Variants in TTC9 observed in about 807,000 individuals in gnomAD.
The protein encoded by TTC9 is tetratricopeptide repeat domain 9, also known as tetratricopeptide repeat protein 9A.
In TTC9, 13 loss-of-function variants were observed where a neutral mutation model predicts 22.9. The observed-to-expected ratio is 0.57, with a 90% CI of 0.37 to 0.90. TTC9 has a LOEUF of 0.90. TTC9 is among the 40% of genes least tolerant of loss of function. The pLI is 0.01. For synonymous variants in TTC9, 148 were observed against 133.2 expected (o/e 1.11, Z -0.77); for missense variants, 280 against 291.8 (o/e 0.96, Z 0.29).
At position 70,671,175 on chromosome 14, in the gene TTC9, C is replaced by G; in HGVS notation, c.*20C>G. The G allele has an allele frequency of 6.2e-7, 1 of 1,610,688 alleles. No homozygotes were observed. The highest frequency in any genetic ancestry group is 8.5e-7 in the Non-Finnish European group (1 of 1,177,694). ...ATGTAACCAGGAAGCAGCTCCAGAG[C>G]TGCGCCCACGCCTGACCGGGGACTT... is the stretch of plus-strand genomic sequence containing the variant. On this transcript the variant is annotated 3_prime_UTR_variant, in exon 3 of 3. Transcript: ENST00000256367.
In TTC9 at chr14:70,650,977, CT is replaced by C. The variant is rs869176720; in HGVS notation, c.406+8454del. On this transcript the variant is annotated intron_variant, in intron 1 of 2. Transcript: ENST00000256367. ...AAGGAATAGGGCAGAGAGATTTTAA[CT>C]TTTTTTTTTTTCTTTTTTTGAGACA... is the stretch of plus-strand genomic sequence containing the variant. Among the ~76,000 whole-genome samples, 602 of 147,002 alleles carry C rather than the reference CT, an allele frequency of 4.1e-3. 1 individual carries two copies. Among genetic ancestry groups the C allele is most frequent in the Non-Finnish European group, 5.5e-3 (362 of 66,220 alleles).
At chr14:70,664,407 C>G (rs556468016) in intron 1 of TTC9, among the ~76,000 whole-genome samples, 43 of 152,148 alleles carry the variant, frequency 2.8e-4, no homozygotes, top group African/African-American at 1.0e-3. Context: ...GGCTGTCACC[C>G]CCTCCACCCC....
chr14:70,673,048 T>C lies in TTC9; in HGVS notation c.*1893T>C, dbSNP rs1886318835. ...GGCCCCAAAAGACCAGAGGCCAGAATCCCTAGTAGTCAGAGCAGTGACAGG... is the reference window on the plus strand; with the variant it reads ...GGCCCCAAAAGACCAGAGGCCAGAACCCCTAGTAGTCAGAGCAGTGACAGG... On this transcript the variant is annotated 3_prime_UTR_variant, in exon 3 of 3. Coordinates refer to ENST00000256367, the MANE Select transcript of TTC9 (RefSeq NM_015351.2). 1 of 152,226 alleles carries C rather than the reference T, an allele frequency of 6.6e-6. No individual in the cohort carries two copies. Among genetic ancestry groups the C allele is most frequent in the African/African-American group, 2.4e-5 (1 of 41,428 alleles). 9.4% of individuals were successfully genotyped at this position (152,226 alleles called of 1,614,324 possible). A position where few individuals can be genotyped will look rare whatever the true frequency, so the allele number is the denominator to read the frequency against.
At chr14:70,658,887 G>C (rs977901131) in intron 1 of TTC9, among the ~76,000 whole-genome samples, 7 of 152,160 alleles carry the variant, frequency 4.6e-5, no homozygotes, top group African/African-American at 1.7e-4. Context: ...AAAAAAGGAT[G>C]AACTATTGGT....
chr14:70,642,767 A>G (rs1885842585), intron 1 of TTC9, among the ~76,000 whole-genome samples: 1 of 152,196 alleles, frequency 6.6e-6, no homozygotes, highest in Admixed American at 6.5e-5. Context: ...TCACCTAGAA[A>G]TGACTGGAAG....
chr14:70,669,596 T>A (rs1029073549), intron 2 of TTC9, among the ~76,000 whole-genome samples: 4 of 151,620 alleles, frequency 2.6e-5, no homozygotes, highest in South Asian at 4.2e-4. Flanking sequence ...TTTTTTTTTT[T>A]AAACTCAATC....
At chr14:70,655,663 T>C (rs1339844066) in intron 1 of TTC9, among the ~76,000 whole-genome samples, 2 of 152,188 alleles carry the variant, frequency 1.3e-5, no homozygotes, top group Non-Finnish European at 2.9e-5. Flanking sequence ...TCCCACAGGA[T>C]GCTGCTCACT....
Position 70,675,263 on chromosome 14 carries a change from T to C in TTC9, c.*4108T>C, listed in dbSNP as rs1305731820. 4 of 152,264 alleles carry C rather than the reference T, an allele frequency of 2.6e-5. No individual in the cohort carries two copies. Among genetic ancestry groups the C allele is most frequent in the East Asian group, 3.8e-4 (2 of 5,206 alleles). 9.4% of individuals were successfully genotyped at this position (152,264 alleles called of 1,614,324 possible). ...CAATTTGTAATTTTATTAAGAATAT[T>C]ATTTTTGTCAAGAAATGCTGCAAAT... On this transcript the variant is annotated 3_prime_UTR_variant, in exon 3 of 3. Coordinates refer to ENST00000256367, the MANE Select transcript of TTC9 (RefSeq NM_015351.2).
In TTC9 at chr14:70,642,081, C is replaced by A; in HGVS notation, c.-49C>A. ...ACCCGGGAAGGCGCGGCGGCGGCGG[C>A]GGCGGCGGGCAGATCGCGGCGCGCA... On this transcript the variant is annotated 5_prime_UTR_variant, in exon 1 of 3. Coordinates refer to ENST00000256367, the MANE Select transcript of TTC9 (RefSeq NM_015351.2). 9.7e-7 allele frequency: 1 copy of A among 1,031,136 alleles called. No homozygotes were observed. The highest frequency in any genetic ancestry group is 1.2e-6 in the Non-Finnish European group (1 of 861,262). The allele number at this position is 1,031,136 out of a possible 1,614,324, so 63.9% of individuals were successfully genotyped here.
chr14:70,659,161 C>CACACACACACAT (rs1886110956), intron 1 of TTC9, among the ~76,000 whole-genome samples: 2 of 151,848 alleles, frequency 1.3e-5, no homozygotes, highest in Admixed American at 1.3e-4. Flanking sequence ...CACACACACA[C>CACACACACACAT]ATACTGGGTA....
chr14:70,664,886 C>T (rs1168485640), intron 1 of TTC9, among the ~76,000 whole-genome samples: 5 of 152,148 alleles, frequency 3.3e-5, no homozygotes, highest in Non-Finnish European at 7.4e-5. Context: ...CCTTGCCTCC[C>T]CCAAAGTCTG....
chr14:70,652,961 G>A (rs565813031), intron 1 of TTC9, among the ~76,000 whole-genome samples: 2 of 152,380 alleles, frequency 1.3e-5, no homozygotes, highest in Non-Finnish European at 2.9e-5. Flanking sequence ...GAGGGGTAAT[G>A]TGGCATAATG....
intron 2 of TTC9, among the ~76,000 whole-genome samples, chr14:70,668,988 C>CAAAATACAAAA (rs1211656596): frequency 4.9e-4 from 74 of 151,896 alleles, no homozygotes; most frequent in Non-Finnish European, 8.7e-4. Flanking sequence ...AACCCCGTCT[C>CAAAATACAAAA]TACTAAAAAT....
intron 1 of TTC9, among the ~76,000 whole-genome samples, chr14:70,666,387 T>C (rs980198004): frequency 1.3e-5 from 2 of 152,176 alleles, no homozygotes; most frequent in Admixed American, 6.5e-5. Flanking sequence ...ATGTGGCTTG[T>C]ATGAGCTGGT....
intron 1 of TTC9, among the ~76,000 whole-genome samples, chr14:70,667,143 C>T (rs1043363578): frequency 5.9e-5 from 9 of 152,162 alleles, no homozygotes; most frequent in Non-Finnish European, 1.2e-4. Flanking sequence ...TGTCGTCTTT[C>T]CTCTGTGTGT....
chr14:70,655,326 G>T lies in TTC9; in HGVS notation c.407-12238G>T, dbSNP rs565078166. On this transcript the variant is annotated intron_variant, in intron 1 of 2. Coordinates refer to ENST00000256367, the MANE Select transcript of TTC9 (RefSeq NM_015351.2). Reference sequence around the variant, plus strand: ...GGAGACTCGCCTGAACCTGGGAGGCGGAGGTTGCAGTGAGCCGAGATCGCG... The same window carrying T: ...GGAGACTCGCCTGAACCTGGGAGGCTGAGGTTGCAGTGAGCCGAGATCGCG... 2.0e-5 allele frequency among the ~76,000 whole-genome samples: 3 copies of T among 152,132 alleles called. No homozygotes were observed. The East Asian group carries it at 5.8e-4, about 29-fold the overall frequency.
chr14:70,642,097 G>C lies in TTC9; in HGVS notation c.-33G>C, dbSNP rs1885819644. On this transcript the variant is annotated 5_prime_UTR_variant, in exon 1 of 3. Coordinates refer to ENST00000256367, the MANE Select transcript of TTC9 (RefSeq NM_015351.2). ...CGGCGGCGGCGGCGGCGGGCAGATC[G>C]CGGCGCGCACCAGGCGCCGGGGCGG... The C allele has an allele frequency of 1.9e-6, 2 of 1,067,750 alleles. No homozygotes were observed. The highest frequency in any genetic ancestry group is 4.4e-5 in the South Asian group (1 of 22,940). 66.1% of individuals were successfully genotyped at this position (1,067,750 alleles called of 1,614,324 possible).
chr14:70,667,944 A>G (rs1229374634), intron 2 of TTC9, among the ~76,000 whole-genome samples, 198 bp downstream of exon 2: 2 of 152,192 alleles, frequency 1.3e-5, no homozygotes, highest in Non-Finnish European at 2.9e-5. Context: ...CAGGGAGCAC[A>G]GGCCCCTCTT....
At position 70,671,728 on chromosome 14, in the gene TTC9, G is replaced by A. The variant is rs1473472434; in HGVS notation, c.*573G>A. ...TAGCCCCTGCCTCCTTCCCCCACTC[G>A]TTGTCTTGGCTTGTGCTTTCTCCTC... On this transcript the variant is annotated 3_prime_UTR_variant, in exon 3 of 3. Transcript: ENST00000256367. 8.7e-6 allele frequency: 1 copy of A among 115,378 alleles called. No individual in the cohort carries two copies. The highest frequency in any genetic ancestry group is 1.7e-5 in the Non-Finnish European group (1 of 59,560). The allele number at this position is 115,378 out of a possible 1,614,324, so 7.1% of individuals were successfully genotyped here.
Sources: gnomAD v4.1 joint callset for allele counts (sites outside exome capture counted in the v4.1 genomes callset) on GRCh38, gnomAD v4.1.1 for gene constraint, MANE v1.5 for transcripts, NCBI Gene and HGNC (gene_info 2026-07-23, HGNC 2026-07-21) for gene names.